Variants in CHST9 observed in about 807,000 individuals in gnomAD.
CHST9 encodes carbohydrate sulfotransferase 9, also known as GalNAc-4-sulfotransferase 2.
In CHST9, 41 loss-of-function variants were observed where a neutral mutation model predicts 44.4. That is an observed-to-expected ratio of 0.92 (90% CI 0.72 to 1.20). CHST9 has a LOEUF of 1.20. CHST9 is among the 50% of genes most tolerant of loss of function. The probability of loss-of-function intolerance (pLI) is 0.00; values close to 1 mark genes in which losing one functional copy is unlikely to be tolerated. For missense variants in CHST9, 504 were observed against 516.5 expected (o/e 0.98, Z 0.23); for synonymous variants, 171 against 178.4 (o/e 0.96, Z 0.33).
At chr18:27,030,606 C>T (rs1288300038) in intron 3 of CHST9, among the ~76,000 whole-genome samples, 4 of 152,244 alleles carry the variant, frequency 2.6e-5, no homozygotes, top group African/African-American at 9.6e-5. Context: ...CTGTGCACTG[C>T]CGGCTGCCGG....
Position 26,909,183 on chromosome 18 carries a change from C to T in CHST9, c.*7076G>A, listed in dbSNP as rs956325114. On this transcript the variant is annotated 3_prime_UTR_variant, in exon 6 of 6. Coordinates refer to ENST00000618847, the MANE Select transcript of CHST9 (RefSeq NM_031422.6). Reference sequence around the variant, plus strand: ...TTCTGCTTCAGTGCTGGTCAAAATCCCACAGAGGACTTTGGTACCAATACC... The same window carrying T: ...TTCTGCTTCAGTGCTGGTCAAAATCTCACAGAGGACTTTGGTACCAATACC... 1 of 152,162 alleles carries T rather than the reference C, an allele frequency of 6.6e-6. No homozygotes were observed. Among genetic ancestry groups the T allele is most frequent in the Non-Finnish European group, 1.5e-5 (1 of 68,036 alleles). 9.4% of individuals were successfully genotyped at this position (152,162 alleles called of 1,614,324 possible). A position where few individuals can be genotyped will look rare whatever the true frequency, so the allele number is the denominator to read the frequency against.
chr18:26,972,349 T>A (rs1598606414), intron 4 of CHST9, among the ~76,000 whole-genome samples: 1 of 83,844 alleles, frequency 1.2e-5, no homozygotes, highest in Non-Finnish European at 2.1e-5. Context: ...AGAGCAAGAC[T>A]CCAACTCCAA....
At chr18:27,162,613 C>T (rs2058756660) in intron 1 of CHST9, among the ~76,000 whole-genome samples, 1 of 152,160 alleles carries the variant, frequency 6.6e-6, no homozygotes, top group African/African-American at 2.4e-5. Flanking sequence ...CGAGGAGTAT[C>T]TTTGTGGCGT....
intron 1 of CHST9, among the ~76,000 whole-genome samples, chr18:27,163,161 C>T (rs553272808): frequency 1.3e-4 from 20 of 152,252 alleles, no homozygotes; most frequent in South Asian, 6.2e-4. Flanking sequence ...GCTGCCTGAT[C>T]GTTCCTCTGG....
intron 4 of CHST9, chr18:26,952,188 C>G: frequency 1.9e-6 from 1 of 524,630 alleles, no homozygotes; most frequent in Non-Finnish European, 3.8e-6. Flanking sequence ...ATGGACTTCA[C>G]CTCCCAAAAG....
chr18:27,169,443 G>A (rs914301484), intron 1 of CHST9, among the ~76,000 whole-genome samples: 13 of 151,968 alleles, frequency 8.6e-5, no homozygotes, highest in South Asian at 2.1e-4. Context: ...TAAATCCATC[G>A]TCAGCATTTT....
chr18:26,952,298 ACAATCCC>A (rs778069800), intron 4 of CHST9: 29 of 520,194 alleles, frequency 5.6e-5, no homozygotes, highest in Non-Finnish European at 1.0e-4. Context: ...CCTTTATTTT[ACAATCCC>A]CATTGTGGAT....
intron 3 of CHST9, among the ~76,000 whole-genome samples, chr18:27,034,234 G>GTCA (rs1428902669): frequency 1.4e-4 from 21 of 152,144 alleles, no homozygotes; most frequent in Non-Finnish European, 2.6e-4. Flanking sequence ...TAAATCTGGA[G>GTCA]TCATCCTTTA....
At position 27,053,288 on chromosome 18, in the gene CHST9, G is replaced by GAAGGAC. The variant is rs1555679865; in HGVS notation, c.122-4786_122-4785insGTCCTT. The stretch of plus-strand genomic sequence containing the variant: ...AGAAGGAGAAGGAGAAGGAGAAGGA[G>GAAGGAC]AAGGAGAAGGAGAAGGAGAAGGAGA... On this transcript the variant is annotated intron_variant, in intron 2 of 5. Transcript: ENST00000618847. 6.2e-3 allele frequency among the ~76,000 whole-genome samples: 782 copies of GAAGGAC among 125,214 alleles called. 29 individuals are homozygous for GAAGGAC. The highest frequency in any genetic ancestry group is 0.013 in the East Asian group (47 of 3,724). 82.1% of individuals were successfully genotyped at this position (125,214 alleles called of 152,430 possible). A position where few individuals can be genotyped will look rare whatever the true frequency, so the allele number is the denominator to read the frequency against.
intron 4 of CHST9, among the ~76,000 whole-genome samples, chr18:26,946,711 G>T (rs913756325): frequency 6.6e-6 from 1 of 152,132 alleles, no homozygotes. Context: ...TGTAAGGAAG[G>T]GGTCCAGTTT....
At chr18:27,169,331 C>T (rs1248588734) in intron 1 of CHST9, among the ~76,000 whole-genome samples, 1 of 152,080 alleles carries the variant, frequency 6.6e-6, no homozygotes, top group Non-Finnish European at 1.5e-5. Context: ...ACTTTGATTA[C>T]AAAATTAAAT....
intron 5 of CHST9, among the ~76,000 whole-genome samples, chr18:26,922,832 C>T (rs2055686644): frequency 6.6e-6 from 1 of 152,044 alleles, no homozygotes; most frequent in Admixed American, 6.5e-5. Flanking sequence ...GACGGGGTCT[C>T]ACCATGTTGG....
At chr18:26,964,018 T>C (rs1401751352) in intron 4 of CHST9, among the ~76,000 whole-genome samples, 1 of 152,224 alleles carries the variant, frequency 6.6e-6, no homozygotes. Flanking sequence ...AAGCAAATAG[T>C]TCTTCTTATA....
In CHST9 at chr18:27,106,055, G is replaced by A. The variant is rs541824541; in HGVS notation, c.121+36634C>T. Among the ~76,000 whole-genome samples, 243 of 152,224 alleles carry A rather than the reference G, an allele frequency of 1.6e-3. 6 individuals carry two copies. The South Asian group carries it at 0.024, about 15-fold the overall frequency. On this transcript the variant is annotated intron_variant, in intron 2 of 5. Transcript: ENST00000618847. ...AACTAAAAAATTTAAATGTGTAGAGGAAGAATGTAACTTATATAGTTAGAA... is the reference window on the plus strand; with the variant it reads ...AACTAAAAAATTTAAATGTGTAGAGAAAGAATGTAACTTATATAGTTAGAA...
At chr18:27,172,923 C>T (rs1399077527) in intron 1 of CHST9, among the ~76,000 whole-genome samples, 1 of 151,932 alleles carries the variant, frequency 6.6e-6, no homozygotes, top group African/African-American at 2.4e-5. Context: ...CACCAATCTA[C>T]TTGCTTTGAT....
rs528527914 is a variant in CHST9 at position 26,990,931 on chromosome 18, G to A, written c.202+33185C>T. The stretch of plus-strand genomic sequence containing the variant: ...TCAACATGCTTGCTGCCTCCCCAGC[G>A]TGGCTGGAATGGAGTGAGAAAAGGA... On this transcript the variant is annotated intron_variant, in intron 4 of 5. Coordinates refer to ENST00000618847, the MANE Select transcript of CHST9 (RefSeq NM_031422.6). Among the ~76,000 whole-genome samples, 8 of 152,186 alleles carry A rather than the reference G, an allele frequency of 5.3e-5. No individual in the cohort carries two copies. The South Asian group carries it at 6.2e-4, about 12-fold the overall frequency.
At chr18:26,934,391 C>CCAT (rs2055945306) in intron 5 of CHST9, 1 of 151,954 alleles carries the variant, frequency 6.6e-6, no homozygotes, top group Non-Finnish European at 1.5e-5. Context: ...CCCGCAACCA[C>CCAT]GCCCGGCTAA....
At chr18:27,161,621 T>C (rs576231453) in intron 1 of CHST9, among the ~76,000 whole-genome samples, 98 of 152,318 alleles carry the variant, frequency 6.4e-4, no homozygotes, top group African/African-American at 2.3e-3. Context: ...TAGATGTCTA[T>C]TAGGCCCACT....
At chr18:27,179,104 C>G (rs12608380) in intron 1 of CHST9, among the ~76,000 whole-genome samples, 1 of 135,708 alleles carries the variant, frequency 7.4e-6, no homozygotes, top group Admixed American at 7.3e-5. Context: ...CTCTCTCTCT[C>G]TATATATATA....
Sources: allele counts gnomAD v4.1 joint callset (sites outside exome capture counted in the v4.1 genomes callset), GRCh38; gene constraint gnomAD v4.1.1; transcripts MANE v1.5; gene names NCBI Gene and HGNC (gene_info 2026-07-23, HGNC 2026-07-21).